Variants in RALYL observed in about 807,000 individuals in gnomAD.
RALYL encodes the protein RNA-binding Raly-like protein.
Under a neutral mutation model 35.1 loss-of-function variants are expected in RALYL, and 29 were observed. That is an observed-to-expected ratio of 0.83 (90% CI 0.61 to 1.13). The LOEUF (loss-of-function observed/expected upper bound fraction) is 1.13, where lower values mean the gene tolerates loss of function less well. RALYL is among the 50% of genes most tolerant of loss of function. The pLI is 0.00. For missense variants in RALYL, 359 were observed against 360.4 expected, an observed-to-expected ratio of 1.00 and a Z score of 0.03; for synonymous variants, 120 against 127.6, an observed-to-expected ratio of 0.94 and a Z score of 0.40.
At chr8:84,315,957 T>G (rs897722692) in intron 1 of RALYL, among the ~76,000 whole-genome samples, 1 of 152,104 alleles carries the variant, frequency 6.6e-6, no homozygotes, top group Admixed American at 6.6e-5. Flanking sequence ...AGGATGAAGC[T>G]TTAAGCACAA....
chr8:84,755,054 C>T (rs1442438208), intron 2 of RALYL, among the ~76,000 whole-genome samples: 1 of 152,120 alleles, frequency 6.6e-6, no homozygotes, highest in Non-Finnish European at 1.5e-5. Context: ...TATAGTTATA[C>T]TGATGCTTAG....
At chr8:84,468,400 T>G (rs952837371) in intron 1 of RALYL, among the ~76,000 whole-genome samples, 4 of 151,608 alleles carry the variant, frequency 2.6e-5, no homozygotes, top group African/African-American at 9.7e-5. Flanking sequence ...CCTTCACTTA[T>G]GAAGCTTAGT....
At chr8:84,599,401 C>T (rs1426718501) in intron 2 of RALYL, among the ~76,000 whole-genome samples, 1 of 151,640 alleles carries the variant, frequency 6.6e-6, no homozygotes, top group East Asian at 1.9e-4. Flanking sequence ...TGTCAATATG[C>T]AATAAAATAA....
chr8:84,386,659 C>A (rs73300738), intron 1 of RALYL, among the ~76,000 whole-genome samples: 4,296 of 151,888 alleles, frequency 0.028, 197 homozygotes, highest in African/African-American at 0.098. Context: ...GACCCAAGTG[C>A]TATATATTGG....
chr8:84,185,201 G>A (rs1033892585), intron 1 of RALYL: 1 of 662,450 alleles, frequency 1.5e-6, no homozygotes, highest in Non-Finnish European at 2.7e-6. Flanking sequence ...GGACGACGCT[G>A]TTAGTTTGCA....
At chr8:84,606,498 C>A (rs1817178412) in intron 2 of RALYL, among the ~76,000 whole-genome samples, 1 of 152,152 alleles carries the variant, frequency 6.6e-6, no homozygotes, top group Non-Finnish European at 1.5e-5. Context: ...AGCCTGGAAC[C>A]ATTCTGTGAA....
chr8:84,447,646 G>A (rs922159060), intron 1 of RALYL, among the ~76,000 whole-genome samples: 7 of 151,902 alleles, frequency 4.6e-5, no homozygotes, highest in Admixed American at 6.6e-5. Context: ...GAATGACTAC[G>A]GTGTATTCAT....
chr8:84,677,466 T>C (rs1264031950), intron 2 of RALYL, among the ~76,000 whole-genome samples: 1 of 152,158 alleles, frequency 6.6e-6, no homozygotes, highest in Non-Finnish European at 1.5e-5. Flanking sequence ...TAAGAAATGA[T>C]ATGTTATAAT....
intron 2 of RALYL, among the ~76,000 whole-genome samples, chr8:84,550,242 T>G (rs1303878008): frequency 6.6e-6 from 1 of 152,104 alleles, no homozygotes; most frequent in Non-Finnish European, 1.5e-5. Context: ...TCCCCTCCAC[T>G]TTCTCCTTTT....
intron 8 of RALYL, among the ~76,000 whole-genome samples, chr8:84,913,989 GTTAAACAACCGTGACAACC>G (rs1316122067): frequency 6.6e-6 from 1 of 151,934 alleles, no homozygotes; most frequent in Non-Finnish European, 1.5e-5. Flanking sequence ...AATGAAAATT[GTTAAACAACCGTGACAACC>G]TTTCCCCCAG....
intron 1 of RALYL, among the ~76,000 whole-genome samples, chr8:84,216,299 C>T (rs2131243712): frequency 6.6e-6 from 1 of 152,088 alleles, no homozygotes; most frequent in African/African-American, 2.4e-5. Flanking sequence ...AGTTATACCA[C>T]CATAAGCCTA....
Position 84,311,790 on chromosome 8 carries a change from A to C in RALYL, c.-24+127366A>C, listed in dbSNP as rs563875342. On this transcript the variant is annotated intron_variant, in intron 1 of 8. Coordinates refer to ENST00000521268, the MANE Select transcript of RALYL (RefSeq NM_173848.7). ...ATTTATTACAATATTTCAATCATTT[A>C]AGAAGCATGGTACTGTACATATACT... 3.5e-3 allele frequency among the ~76,000 whole-genome samples: 538 copies of C among 152,336 alleles called. 1 individual carries two copies. The highest frequency in any genetic ancestry group is 6.5e-3 in the Non-Finnish European group (445 of 68,022).
intron 7 of RALYL, among the ~76,000 whole-genome samples, chr8:84,879,856 G>C (rs1047403774): frequency 1.3e-5 from 2 of 151,846 alleles, no homozygotes. Flanking sequence ...TCAGTTAACT[G>C]TAAAGGCAAG....
chr8:84,484,947 T>C (rs973561257), intron 1 of RALYL, among the ~76,000 whole-genome samples: 1 of 152,198 alleles, frequency 6.6e-6, no homozygotes, highest in African/African-American at 2.4e-5. Flanking sequence ...AGTTATTATA[T>C]GTCAAGCTCT....
intron 2 of RALYL, among the ~76,000 whole-genome samples, chr8:84,653,060 A>T (rs1055201165): frequency 5.9e-5 from 9 of 152,098 alleles, no homozygotes; most frequent in South Asian, 2.1e-4. Context: ...GTCCAATGCT[A>T]AAAACAACAA....
intron 2 of RALYL, among the ~76,000 whole-genome samples, chr8:84,574,862 A>G (rs772460127): frequency 6.6e-5 from 10 of 152,180 alleles, no homozygotes; most frequent in Non-Finnish European, 1.0e-4. Context: ...CATTCTTATG[A>G]CATCAGACTA....
At chr8:84,320,845 T>A (rs1006870830) in intron 1 of RALYL, among the ~76,000 whole-genome samples, 21 of 152,024 alleles carry the variant, frequency 1.4e-4, no homozygotes, top group Admixed American at 6.6e-4. Flanking sequence ...ATTATCAGAT[T>A]TTTTTTTCTC....
intron 8 of RALYL, among the ~76,000 whole-genome samples, chr8:84,910,901 T>A (rs1016048313): frequency 6.6e-6 from 1 of 152,074 alleles, no homozygotes; most frequent in Admixed American, 6.6e-5. Flanking sequence ...ACCCAGAATT[T>A]TAAATGATTT....
chr8:84,332,713 T>A (rs750245579), intron 1 of RALYL, among the ~76,000 whole-genome samples: 1 of 152,156 alleles, frequency 6.6e-6, no homozygotes, highest in Non-Finnish European at 1.5e-5. Flanking sequence ...AGTGCCTGTC[T>A]TCCTAGTGAC....
Sources: gnomAD v4.1 joint callset for allele counts (sites outside exome capture counted in the v4.1 genomes callset) on GRCh38, gnomAD v4.1.1 for gene constraint, MANE v1.5 for transcripts, NCBI Gene and HGNC (gene_info 2026-07-23, HGNC 2026-07-21) for gene names.